MEGF11: variants seen among roughly 807,000 people sequenced by gnomAD.
MEGF11 encodes the protein multiple epidermal growth factor-like domains protein 11.
In MEGF11, 126 loss-of-function variants were observed where a neutral mutation model predicts 146.6. That is an observed-to-expected ratio of 0.86 (90% confidence interval 0.74 to 1.00). The LOEUF is 1.00. Ranked by LOEUF, MEGF11 falls within the 50% of genes least tolerant of loss-of-function variation. MEGF11 has a pLI of 0.00. For synonymous variants in MEGF11, 532 were observed against 583.4 expected, an observed-to-expected ratio of 0.91 and a Z score of 1.27; for missense variants, 1,509 against 1,521.2, an observed-to-expected ratio of 0.99 and a Z score of 0.13.
intron 5 of MEGF11, among the ~76,000 whole-genome samples, chr15:66,022,955 C>T (rs954632584): frequency 2.0e-5 from 3 of 151,590 alleles, no homozygotes; most frequent in African/African-American, 7.3e-5. Flanking sequence ...GAGTTCGAGA[C>T]CAGCCTGACC....
At chr15:66,172,171 T>A (rs2090277082) in intron 1 of MEGF11, among the ~76,000 whole-genome samples, 1 of 152,160 alleles carries the variant, frequency 6.6e-6, no homozygotes, top group Non-Finnish European at 1.5e-5. Flanking sequence ...GGAAGTTTGC[T>A]CGGCAGGAGA....
chr15:66,211,415 T>G (rs1298074041), intron 1 of MEGF11, among the ~76,000 whole-genome samples: 1 of 151,076 alleles, frequency 6.6e-6, no homozygotes, highest in Non-Finnish European at 1.5e-5. Context: ...TCCCAGCTAC[T>G]CAGGAGGCTG....
At chr15:66,058,112 CT>C (rs2084752792) in intron 5 of MEGF11, among the ~76,000 whole-genome samples, 1 of 152,052 alleles carries the variant, frequency 6.6e-6, no homozygotes, top group Admixed American at 6.5e-5. Flanking sequence ...CAATTGTTCT[CT>C]GATGTTTTTT....
At chr15:66,206,894 C>A (rs1409407867) in intron 1 of MEGF11, among the ~76,000 whole-genome samples, 1 of 151,972 alleles carries the variant, frequency 6.6e-6, no homozygotes. Context: ...CAGAGAGAGA[C>A]TTAAAAATTA....
chr15:66,126,348 G>T (rs1211450642), intron 2 of MEGF11, among the ~76,000 whole-genome samples: 1 of 152,310 alleles, frequency 6.6e-6, no homozygotes, highest in Middle Eastern at 3.4e-3. Flanking sequence ...GGCCGGAGAA[G>T]CCCAGAGAGT....
At chr15:66,126,421 G>C (rs1289762955) in intron 2 of MEGF11, among the ~76,000 whole-genome samples, 1 of 152,218 alleles carries the variant, frequency 6.6e-6, no homozygotes, top group East Asian at 1.9e-4. Flanking sequence ...CTGTAACCCT[G>C]GCTGATAGCC....
intron 5 of MEGF11, among the ~76,000 whole-genome samples, chr15:66,062,211 GC>G (rs1402063620): frequency 1.3e-4 from 20 of 152,348 alleles, no homozygotes; most frequent in African/African-American, 4.6e-4. Context: ...GGCTAGGGTG[GC>G]CCCCATGTTT....
Position 65,916,842 on chromosome 15 carries a change from A to C in MEGF11, c.2201T>G (p.Leu734Arg). 6.2e-7 allele frequency: 1 copy of C among 1,604,032 alleles called. No homozygotes were observed. The change falls in exon 17 of 26, where the codon CTC becomes CGC. Residue 734 changes from leucine to arginine, a missense_variant. Coordinates refer to ENST00000395614, the MANE Select transcript of MEGF11 (RefSeq NM_001385028.1). ...ACHCTPGWTG[L>R]FCTQRCPAAF... The stretch of plus-strand genomic sequence containing the variant: ...GTGGGGCTTACGCTGTGTGCAGAAG[A>C]GTCCAGTCCAGCCAGGGGTGCAGTG...
intron 9 of MEGF11, among the ~76,000 whole-genome samples, chr15:65,961,104 A>G (rs1474701368): frequency 6.6e-6 from 1 of 152,186 alleles, no homozygotes; most frequent in African/African-American, 2.4e-5. Context: ...GAGAGCTGTG[A>G]TTGCCATGCT....
At chr15:65,972,678 A>C (rs2081331957) in intron 7 of MEGF11, among the ~76,000 whole-genome samples, 1 of 152,260 alleles carries the variant, frequency 6.6e-6, no homozygotes, top group Non-Finnish European at 1.5e-5. Flanking sequence ...GGAAAAAAAT[A>C]ATTTCCAACT....
intron 1 of MEGF11, among the ~76,000 whole-genome samples, chr15:66,200,764 T>C (rs1415154074): frequency 6.6e-6 from 1 of 152,136 alleles, no homozygotes; most frequent in East Asian, 1.9e-4. Flanking sequence ...GATTCCTGAC[T>C]CCAGCGGGGT....
At chr15:65,955,769 T>G (rs865916659) in intron 10 of MEGF11, among the ~76,000 whole-genome samples, 4 of 5,600 alleles carry the variant, frequency 7.1e-4, no homozygotes, top group Non-Finnish European at 2.1e-3. Flanking sequence ...AAAATATATA[T>G]ATATATATAT....
chr15:66,108,831 C>A (rs1362439390), intron 4 of MEGF11, among the ~76,000 whole-genome samples: 1 of 152,178 alleles, frequency 6.6e-6, no homozygotes, highest in East Asian at 1.9e-4. Flanking sequence ...TGGCAAGTTC[C>A]CGTAGAGAAA....
chr15:66,176,695 C>T (rs1452000138), intron 1 of MEGF11, among the ~76,000 whole-genome samples: 1 of 151,988 alleles, frequency 6.6e-6, no homozygotes, highest in African/African-American at 2.4e-5. Context: ...AGCGCTTCAT[C>T]TTGCATTGCT....
chr15:66,042,690 G>T (rs184981011), intron 5 of MEGF11, among the ~76,000 whole-genome samples: 19 of 152,242 alleles, frequency 1.2e-4, no homozygotes, highest in Admixed American at 1.1e-3. Context: ...GTCCCTCCTC[G>T]CCCCTCCCAG....
At chr15:66,094,949 C>CT (rs1169274190) in intron 4 of MEGF11, among the ~76,000 whole-genome samples, 1 of 152,198 alleles carries the variant, frequency 6.6e-6, no homozygotes, top group African/African-American at 2.4e-5. Flanking sequence ...TCCCTTCTCA[C>CT]TTTTCCCCCC....
chr15:66,187,779 T>G (rs919271888), intron 1 of MEGF11, among the ~76,000 whole-genome samples: 7 of 151,602 alleles, frequency 4.6e-5, no homozygotes, highest in African/African-American at 1.7e-4. Context: ...CCAGCATCCT[T>G]AACGAAGAGT....
At chr15:66,006,968 G>A (rs1281224362) in intron 5 of MEGF11, among the ~76,000 whole-genome samples, 1 of 152,194 alleles carries the variant, frequency 6.6e-6, no homozygotes, top group Non-Finnish European at 1.5e-5. Context: ...CCCTCACCCA[G>A]GGGTTTACCT....
At chr15:66,097,577 G>C (rs1723289305) in intron 4 of MEGF11, among the ~76,000 whole-genome samples, 1 of 151,988 alleles carries the variant, frequency 6.6e-6, no homozygotes, top group Non-Finnish European at 1.5e-5. Flanking sequence ...TGCTGTCGTG[G>C]ACAGGGCAGC....
Sources: gnomAD v4.1 joint callset for allele counts (sites outside exome capture counted in the v4.1 genomes callset) on GRCh38, gnomAD v4.1.1 for gene constraint, MANE v1.5 for transcripts, NCBI Gene and HGNC (gene_info 2026-07-23, HGNC 2026-07-21) for gene names.